PPFIA1: variants seen among roughly 807,000 people sequenced by gnomAD.
PPFIA1 encodes PPFI scaffold protein A1, also known as liprin-alpha-1.
In PPFIA1, 25 loss-of-function variants were observed where a neutral mutation model predicts 149.9. That is an observed-to-expected ratio of 0.17 (90% CI 0.12 to 0.23). The LOEUF (loss-of-function observed/expected upper bound fraction) is 0.23, where lower values mean the gene tolerates loss of function less well. Ranked by LOEUF, PPFIA1 falls within the 10% of genes least tolerant of loss-of-function variation. The pLI, the probability that PPFIA1 is intolerant of heterozygous loss-of-function variation, is 1.00. For missense variants in PPFIA1, 1,362 were observed against 1,506.5 expected, an observed-to-expected ratio of 0.90 and a Z score of 1.59; for synonymous variants, 549 against 552.8, an observed-to-expected ratio of 0.99 and a Z score of 0.10.
chr11:70,378,918 G>A (rs1435782497), intron 26 of PPFIA1, among the ~76,000 whole-genome samples: 1 of 152,156 alleles, frequency 6.6e-6, no homozygotes, highest in Non-Finnish European at 1.5e-5. Context: ...CTAATGAAAG[G>A]CAGTGCACAG....
chr11:70,346,029 C>T (rs1169974343), intron 15 of PPFIA1: 4 of 435,184 alleles, frequency 9.2e-6, no homozygotes, highest in South Asian at 1.6e-5. Context: ...TTTCTTGTCT[C>T]GTCAGTATTT....
intron 2 of PPFIA1, among the ~76,000 whole-genome samples, chr11:70,294,280 A>T (rs992842720): frequency 6.6e-6 from 1 of 152,044 alleles, no homozygotes; most frequent in Admixed American, 6.6e-5. Context: ...AGAAAGGTAA[A>T]CTTTGATTCC....
At chr11:70,350,614 G>A (rs968963435) in intron 16 of PPFIA1, among the ~76,000 whole-genome samples, 24 of 152,108 alleles carry the variant, frequency 1.6e-4, no homozygotes, top group African/African-American at 5.6e-4. Context: ...AATTGGTATT[G>A]CAGTAACTTC....
chr11:70,301,201 T>C (rs1289584530), intron 2 of PPFIA1, among the ~76,000 whole-genome samples: 1 of 152,214 alleles, frequency 6.6e-6, no homozygotes, highest in Non-Finnish European at 1.5e-5. Flanking sequence ...ACCCAATAAG[T>C]AGACTTGATG....
intron 2 of PPFIA1, among the ~76,000 whole-genome samples, chr11:70,288,097 C>T (rs940496733): frequency 2.6e-4 from 38 of 144,614 alleles, no homozygotes; most frequent in Admixed American, 1.3e-3. Context: ...TTTTTTGAGA[C>T]GGAGTCTTGC....
At chr11:70,337,337 C>T (rs764474754) in intron 11 of PPFIA1, 28 bp from the exon 12 acceptor site, 13 of 1,482,540 alleles carry the variant, frequency 8.8e-6, no homozygotes, top group African/African-American at 1.4e-5. Flanking sequence ...TTTAAAGAAA[C>T]ACTAAAGGAC....
At position 70,331,947 on chromosome 11, in the gene PPFIA1, T is replaced by C; in HGVS notation, c.1078-13T>C. 1 of 1,598,178 alleles carries C rather than the reference T, an allele frequency of 6.3e-7. No homozygotes were observed. Among genetic ancestry groups the C allele is most frequent in the Non-Finnish European group, 8.5e-7 (1 of 1,175,166 alleles). On this transcript the variant is annotated splice_polypyrimidine_tract_variant and intron_variant, in intron 8 of 27. Coordinates refer to ENST00000253925, the MANE Select transcript of PPFIA1 (RefSeq NM_003626.5). Reference sequence around the variant, plus strand: ...GATTTGTTGCATTTTGATGCTTTGCTCTCATTTTATAGACTGAAGATAAAA... The same window carrying C: ...GATTTGTTGCATTTTGATGCTTTGCCCTCATTTTATAGACTGAAGATAAAA...
At chr11:70,364,825 A>G (rs1258191397) in intron 21 of PPFIA1, 1 of 152,286 alleles carries the variant, frequency 6.6e-6, no homozygotes, top group African/African-American at 2.4e-5. Flanking sequence ...CACCATGTCA[A>G]AATGCAAGGA....
chr11:70,303,819 A>C (rs1162680379), intron 2 of PPFIA1, among the ~76,000 whole-genome samples: 1 of 152,168 alleles, frequency 6.6e-6, no homozygotes, highest in Non-Finnish European at 1.5e-5. Flanking sequence ...CAGCCTGGCC[A>C]ACATGGTGAA....
intron 2 of PPFIA1, among the ~76,000 whole-genome samples, chr11:70,309,061 A>G (rs925843050): frequency 2.0e-5 from 3 of 152,134 alleles, no homozygotes; most frequent in Non-Finnish European, 2.9e-5. Flanking sequence ...TAAACATGTT[A>G]ATTAGAATGT....
chr11:70,279,209 C>T (rs548932877), intron 2 of PPFIA1: 9 of 388,704 alleles, frequency 2.3e-5, no homozygotes, highest in African/African-American at 1.7e-4. Context: ...GAATACGGCC[C>T]ACCAGGAACT....
intron 21 of PPFIA1, chr11:70,363,313 T>C (rs763892509): frequency 5.3e-5 from 8 of 152,220 alleles, no homozygotes; most frequent in Non-Finnish European, 1.2e-4. Flanking sequence ...TAGACTGCTC[T>C]GTTAGTTTCG....
At chr11:70,339,103 G>T in intron 13 of PPFIA1, 68 bp from the exon 14 acceptor site, 2 of 1,579,276 alleles carry the variant, frequency 1.3e-6, no homozygotes, top group African/African-American at 2.7e-5. Flanking sequence ...GATAGATTCT[G>T]CCTTAACTAA....
At chr11:70,373,797 G>A (rs1041081438) in intron 23 of PPFIA1, 6 of 152,212 alleles carry the variant, frequency 3.9e-5, no homozygotes, top group Admixed American at 6.5e-5. Context: ...AGATGGCCCA[G>A]TTGAAGGGAA....
chr11:70,340,365 C>T (rs1048222940), intron 14 of PPFIA1, among the ~76,000 whole-genome samples: 4 of 152,118 alleles, frequency 2.6e-5, no homozygotes, highest in African/African-American at 4.8e-5. Context: ...CTTTGAGCCC[C>T]GGGAGGTCAA....
chr11:70,294,184 C>T (rs1312965911), intron 2 of PPFIA1, among the ~76,000 whole-genome samples: 1 of 152,068 alleles, frequency 6.6e-6, no homozygotes, highest in South Asian at 2.1e-4. Context: ...TCAAGTGATC[C>T]TTCTACCTCG....
chr11:70,296,408 A>G (rs1361223086), intron 2 of PPFIA1, among the ~76,000 whole-genome samples: 3 of 152,130 alleles, frequency 2.0e-5, no homozygotes, highest in Non-Finnish European at 2.9e-5. Context: ...CACTGAGTGA[A>G]CCAGACACTG....
At chr11:70,352,020 T>C (rs1458101065) in intron 16 of PPFIA1, among the ~76,000 whole-genome samples, 2 of 152,222 alleles carry the variant, frequency 1.3e-5, no homozygotes, top group Non-Finnish European at 2.9e-5. Context: ...ATAACTTTCA[T>C]GCTCTGGTCT....
chr11:70,327,888 C>T (rs542133735), intron 7 of PPFIA1, among the ~76,000 whole-genome samples: 35 of 152,294 alleles, frequency 2.3e-4, no homozygotes, highest in African/African-American at 6.5e-4. Context: ...GCGCCTCAAC[C>T]GTTGAATGTC....
Sources: gnomAD v4.1 joint callset for allele counts (sites outside exome capture counted in the v4.1 genomes callset) on GRCh38, gnomAD v4.1.1 for gene constraint, MANE v1.5 for transcripts, NCBI Gene and HGNC (gene_info 2026-07-23, HGNC 2026-07-21) for gene names.